FSBP: variants seen among roughly 807,000 people sequenced by gnomAD.
The protein encoded by FSBP is fibrinogen silencer-binding protein.
A neutral mutation model predicts 24.6 loss-of-function variants in FSBP; 18 were observed. That is an observed-to-expected ratio of 0.73 (90% CI 0.51 to 1.08). The LOEUF is 1.08. FSBP is among the 50% of genes least tolerant of loss of function. The probability of loss-of-function intolerance (pLI) is 0.00; values close to 1 mark genes in which losing one functional copy is unlikely to be tolerated. For synonymous variants in FSBP, 110 were observed against 125.8 expected, an observed-to-expected ratio of 0.87 and a Z score of 0.84; for missense variants, 305 against 347.6, an observed-to-expected ratio of 0.88 and a Z score of 0.98.
At position 94,429,562 on chromosome 8, in the gene FSBP, G is replaced by A. The variant is rs1387770229; in HGVS notation, c.*2569C>T. 2.0e-6 allele frequency: 2 copies of A among 982,320 alleles called. No individual in the cohort carries two copies. Among genetic ancestry groups the A allele is most frequent in the African/African-American group, 1.8e-5 (1 of 57,122 alleles). 60.9% of individuals were successfully genotyped at this position (982,320 alleles called of 1,614,324 possible). A position where few individuals can be genotyped will look rare whatever the true frequency, so the allele number is the denominator to read the frequency against. The stretch of plus-strand genomic sequence containing the variant: ...GTAAAGTGAATTACATCTCATATAT[G>A]TGCTTTCAATAATTTCAAAAAATAA... On this transcript the variant is annotated 3_prime_UTR_variant, in exon 2 of 2. Coordinates refer to ENST00000481490, the MANE Select transcript of FSBP (RefSeq NM_001256141.2).
Position 94,430,793 on chromosome 8 carries a change from T to A in FSBP, c.*1338A>T, listed in dbSNP as rs568958726. 1.5e-5 allele frequency: 15 copies of A among 985,300 alleles called. No individual in the cohort carries two copies. The highest frequency in any genetic ancestry group is 1.8e-5 in the Non-Finnish European group (15 of 829,908). The allele number at this position is 985,300 out of a possible 1,614,324, so 61.0% of individuals were successfully genotyped here. On this transcript the variant is annotated 3_prime_UTR_variant, in exon 2 of 2. Coordinates refer to ENST00000481490, the MANE Select transcript of FSBP (RefSeq NM_001256141.2). ...TGCAGATTTCTGGTTTATCCCCGCA[T>A]GTGAAAATTCTGCTGGAGCTAAACA...
rs928486330 is a variant in FSBP at position 94,429,966 on chromosome 8, T to A, written c.*2165A>T. 98 of 985,118 alleles carry A rather than the reference T, an allele frequency of 9.9e-5. No individual in the cohort carries two copies. The highest frequency in any genetic ancestry group is 5.2e-4 in the Middle Eastern group (1 of 1,936). 61.0% of individuals were successfully genotyped at this position (985,118 alleles called of 1,614,324 possible). A position where few individuals can be genotyped will look rare whatever the true frequency, so the allele number is the denominator to read the frequency against. ...ATCACAACTATAATCAAATTAGCCCTCTAATTCAAAGCATTCAATGGCTTC... is the reference window on the plus strand; with the variant it reads ...ATCACAACTATAATCAAATTAGCCCACTAATTCAAAGCATTCAATGGCTTC... On this transcript the variant is annotated 3_prime_UTR_variant, in exon 2 of 2. Transcript: ENST00000481490.
At chr8:94,435,902 C>T (rs561137007) in intron 1 of FSBP, among the ~76,000 whole-genome samples, 2 of 152,188 alleles carry the variant, frequency 1.3e-5, no homozygotes, top group East Asian at 3.9e-4. Context: ...TAGGCATTAA[C>T]TCCCTTTAGT....
At position 94,436,742 on chromosome 8, in the gene FSBP, T is replaced by C. The variant is rs1162857209; in HGVS notation, c.127A>G (p.Asn43Asp). 1.3e-6 allele frequency: 2 copies of C among 1,550,718 alleles called. No individual in the cohort carries two copies. Among genetic ancestry groups the C allele is most frequent in the East Asian group, 2.4e-5 (1 of 40,922 alleles). ...ACTGCTATGATATCCCAACATCTAT[T>C]CTTTTCTACTATTACTGAATGTTTA... ...TNKHSVIVEK[N>D]RCWDIIAVNY... Residue 43 changes from asparagine (N) to aspartate (D), a missense_variant, in exon 1 of 2, where the codon AAT (asparagine) becomes GAT (aspartate). By Grantham distance (23) the Asn-to-Asp change is conservative (BLOSUM62 1). Coordinates refer to ENST00000481490, the MANE Select transcript of FSBP (RefSeq NM_001256141.2).
chr8:94,436,468 T>C, intron 1 of FSBP, 27 bp downstream of exon 1: 1 of 1,505,256 alleles, frequency 6.6e-7, no homozygotes, highest in Non-Finnish European at 8.8e-7. Flanking sequence ...GCCATAATTT[T>C]CCATAACAAA....
At position 94,428,296 on chromosome 8, in the gene FSBP, A is replaced by T. The variant is rs2130091168; in HGVS notation, c.*3835T>A. 1.0e-6 allele frequency: 1 copy of T among 982,230 alleles called. No individual in the cohort carries two copies. Among genetic ancestry groups the T allele is most frequent in the Non-Finnish European group, 1.2e-6 (1 of 827,010 alleles). The allele number at this position is 982,230 out of a possible 1,614,324, so 60.8% of individuals were successfully genotyped here. ...TCCCAGCATTACATTTTGTAATTAA[A>T]GCTCATGGACCCCAAACAATTGTCT... On this transcript the variant is annotated 3_prime_UTR_variant, in exon 2 of 2. Transcript: ENST00000481490.
intron 1 of FSBP, among the ~76,000 whole-genome samples, chr8:94,433,565 C>T (rs903554144): frequency 1.3e-5 from 2 of 152,008 alleles, no homozygotes; most frequent in African/African-American, 4.8e-5. Context: ...GAGACAACTA[C>T]AGCTTTAGCA....
At chr8:94,433,559 C>T (rs573631312) in intron 1 of FSBP, among the ~76,000 whole-genome samples, 3 of 151,964 alleles carry the variant, frequency 2.0e-5, no homozygotes, top group Non-Finnish European at 4.4e-5. Context: ...CCAATGGAGA[C>T]AACTACAGCT....
At position 94,427,807 on chromosome 8, in the gene FSBP, A is replaced by T; in HGVS notation, c.*4324T>A. ...GTATATATTAAACACAATTTATTAC[A>T]CTCTAAGTTATTTAAACATGTGTAT... On this transcript the variant is annotated 3_prime_UTR_variant, in exon 2 of 2. Transcript: ENST00000481490. 1 of 958,932 alleles carries T rather than the reference A, an allele frequency of 1.0e-6. No homozygotes were observed. The highest frequency in any genetic ancestry group is 1.2e-6 in the Non-Finnish European group (1 of 805,936). 59.4% of individuals were successfully genotyped at this position (958,932 alleles called of 1,614,324 possible).
chr8:94,433,954 T>A (rs1053849671), intron 1 of FSBP, among the ~76,000 whole-genome samples: 2 of 151,772 alleles, frequency 1.3e-5, no homozygotes, highest in African/African-American at 4.8e-5. Context: ...GCCAGAAATA[T>A]CAGATATTTA....
Position 94,427,826 on chromosome 8 carries a change from T to C in FSBP, c.*4305A>G. The C allele has an allele frequency of 3.1e-6, 3 of 962,518 alleles. No homozygotes were observed. In the South Asian group the frequency reaches 1.4e-4, roughly 46 times the overall value. The allele number at this position is 962,518 out of a possible 1,614,324, so 59.6% of individuals were successfully genotyped here. On this transcript the variant is annotated 3_prime_UTR_variant, in exon 2 of 2. Coordinates refer to ENST00000481490, the MANE Select transcript of FSBP (RefSeq NM_001256141.2). ...TATTACACTCTAAGTTATTTAAACA[T>C]GTGTATTTAAAAGTTGACATTACTC...
Position 94,429,816 on chromosome 8 carries a change from T to C in FSBP, c.*2315A>G. 1.0e-6 allele frequency: 1 copy of C among 985,382 alleles called. No individual in the cohort carries two copies. The highest frequency in any genetic ancestry group is 1.2e-6 in the Non-Finnish European group (1 of 829,916). The allele number at this position is 985,382 out of a possible 1,614,324, so 61.0% of individuals were successfully genotyped here. A position where few individuals can be genotyped will look rare whatever the true frequency, so the allele number is the denominator to read the frequency against. On this transcript the variant is annotated 3_prime_UTR_variant, in exon 2 of 2. Coordinates refer to ENST00000481490, the MANE Select transcript of FSBP (RefSeq NM_001256141.2). ...CCTCTTTTTAATCCAACCAATGAAA[T>C]TAAGTAGTCAACATGCTAAAATAGT... is the stretch of plus-strand genomic sequence containing the variant.
chr8:94,430,877 A>T lies in FSBP; in HGVS notation c.*1254T>A. ...TCCTAGTCCAGGATACTACAGCCCAAATTGACTCTCTCTACATTCACTTAA... is the reference window on the plus strand; with the variant it reads ...TCCTAGTCCAGGATACTACAGCCCATATTGACTCTCTCTACATTCACTTAA... On this transcript the variant is annotated 3_prime_UTR_variant, in exon 2 of 2. Transcript: ENST00000481490. The T allele has an allele frequency of 1.0e-6, 1 of 985,388 alleles. No individual in the cohort carries two copies. The highest frequency in any genetic ancestry group is 1.2e-6 in the Non-Finnish European group (1 of 829,928). 61.0% of individuals were successfully genotyped at this position (985,388 alleles called of 1,614,324 possible).
At position 94,432,316 on chromosome 8, in the gene FSBP, A is replaced by C; in HGVS notation, c.715T>G (p.Leu239Val). Residue 239 changes from leucine (L) to valine (V), a missense_variant, in exon 2 of 2, where the codon TTG (leucine) becomes GTG (valine). Coordinates refer to ENST00000481490, the MANE Select transcript of FSBP (RefSeq NM_001256141.2). ...AAAATTATCTGATGCTCCTCTTTCA[A>C]CATTTGCAGGATCTGAGGATCATAC... ...LGYDPQILQM[L>V]KEEHQIILEN... 1 of 1,550,312 alleles carries C rather than the reference A, an allele frequency of 6.5e-7. No individual in the cohort carries two copies.
chr8:94,429,047 T>C lies in FSBP; in HGVS notation c.*3084A>G, dbSNP rs1812016494. 2.0e-6 allele frequency: 2 copies of C among 985,118 alleles called. No individual in the cohort carries two copies. Among genetic ancestry groups the C allele is most frequent in the Non-Finnish European group, 1.2e-6 (1 of 829,656 alleles). The allele number at this position is 985,118 out of a possible 1,614,324, so 61.0% of individuals were successfully genotyped here. On this transcript the variant is annotated 3_prime_UTR_variant, in exon 2 of 2. Transcript: ENST00000481490. ...AGGAGAATTATATGCATTTAAACTT[T>C]TGCAAATTAAAAGTAAACAAGACTG...
rs1812019616 is a variant in FSBP, at chr8:94,429,145, A to G, written c.*2986T>C. The stretch of plus-strand genomic sequence containing the variant: ...CAAAGAGTGTGATTCTGGTGTTTAA[A>G]AATATGTAAAAATAGGTTTCTTATT... On this transcript the variant is annotated 3_prime_UTR_variant, in exon 2 of 2. Transcript: ENST00000481490. 1.0e-6 allele frequency: 1 copy of G among 973,734 alleles called. No individual in the cohort carries two copies. Among genetic ancestry groups the G allele is most frequent in the African/African-American group, 1.8e-5 (1 of 56,942 alleles). 60.3% of individuals were successfully genotyped at this position (973,734 alleles called of 1,614,324 possible).
intron 1 of FSBP, among the ~76,000 whole-genome samples, chr8:94,434,975 TCTA>T (rs1410803372): frequency 6.6e-6 from 1 of 151,828 alleles, no homozygotes; most frequent in East Asian, 1.9e-4. Context: ...TTATTTTTCT[TCTA>T]CTCACTGTTA....
chr8:94,430,602 G>T lies in FSBP; in HGVS notation c.*1529C>A. 1.7e-6 allele frequency: 1 copy of T among 601,372 alleles called. No individual in the cohort carries two copies. Among genetic ancestry groups the T allele is most frequent in the Non-Finnish European group, 2.1e-6 (1 of 479,706 alleles). The allele number at this position is 601,372 out of a possible 1,614,324, so 37.3% of individuals were successfully genotyped here. A position where few individuals can be genotyped will look rare whatever the true frequency, so the allele number is the denominator to read the frequency against. On this transcript the variant is annotated 3_prime_UTR_variant, in exon 2 of 2. Coordinates refer to ENST00000481490, the MANE Select transcript of FSBP (RefSeq NM_001256141.2). ...CAAGTTCTCAAGTGATGCTGATGCT[G>T]CTGGTCAGGACCCATACTTGGAAAA...
intron 1 of FSBP, among the ~76,000 whole-genome samples, chr8:94,435,090 G>A (rs919367333): frequency 6.6e-6 from 1 of 151,854 alleles, no homozygotes; most frequent in Admixed American, 6.6e-5. Context: ...TTATACCTGC[G>A]ATGCAAAAAA....
Sources: gnomAD v4.1 joint callset for allele counts (sites outside exome capture counted in the v4.1 genomes callset) on GRCh38, gnomAD v4.1.1 for gene constraint, MANE v1.5 for transcripts, NCBI Gene and HGNC (gene_info 2026-07-23, HGNC 2026-07-21) for gene names.